Variants in DCT observed in about 807,000 individuals in gnomAD.
DCT encodes dopachrome tautomerase, also known as L-dopachrome tautomerase.
Under a neutral mutation model 53.0 loss-of-function variants are expected in DCT, and 47 were observed. That is an observed-to-expected ratio of 0.89 (90% CI 0.70 to 1.13). The LOEUF (loss-of-function observed/expected upper bound fraction) is 1.13. Among genes scored for constraint, DCT ranks in the 50% most tolerant of loss-of-function variants. The pLI is 0.00. For synonymous variants in DCT, 244 were observed against 237.0 expected, an observed-to-expected ratio of 1.03 and a Z score of -0.27; for missense variants, 669 against 637.4, an observed-to-expected ratio of 1.05 and a Z score of -0.53.
At chr13:94,546,365 T>C in the DCT span, among the ~76,000 whole-genome samples, 1 of 152,148 alleles carries the variant, frequency 6.6e-6, no homozygotes, top group Non-Finnish European at 1.5e-5. This position sits in a 1 kb window ranked among gnomAD's most constrained non-coding sequence, Gnocchi z 4.2. Flanking sequence ...TAATCCCTCA[T>C]TGTCCCTTAA....
the DCT span, among the ~76,000 whole-genome samples, chr13:94,532,428 T>A: frequency 6.6e-6 from 1 of 152,126 alleles, no homozygotes; most frequent in Non-Finnish European, 1.5e-5. Flanking sequence ...AAATGTGGCA[T>A]GTATACACCA....
At chr13:94,486,269 C>T in the DCT span, among the ~76,000 whole-genome samples, 1 of 152,328 alleles carries the variant, frequency 6.6e-6, no homozygotes, top group Non-Finnish European at 1.5e-5. Context: ...CTATGCTAAG[C>T]TTGCTTTCCT....
chr13:94,536,043 C>G, the DCT span, among the ~76,000 whole-genome samples: 1 of 152,240 alleles, frequency 6.6e-6, no homozygotes, highest in African/African-American at 2.4e-5. Flanking sequence ...GCTAGTGCTT[C>G]CAAATGATCT....
chr13:94,440,424 A>C (rs1023586965), intron 7 of DCT, among the ~76,000 whole-genome samples: 5 of 152,100 alleles, frequency 3.3e-5, no homozygotes, highest in African/African-American at 9.7e-5. Context: ...GCATCTGGGG[A>C]GCTGCAAAAT....
chr13:94,541,354 A>T, the DCT span, among the ~76,000 whole-genome samples: 8 of 152,086 alleles, frequency 5.3e-5, no homozygotes, highest in African/African-American at 1.9e-4. Context: ...AAGTACAAAA[A>T]TTAGCTGGAC....
At chr13:94,478,744 G>A (rs1040513141) in intron 1 of DCT, among the ~76,000 whole-genome samples, 9 of 152,200 alleles carry the variant, frequency 5.9e-5, no homozygotes, top group African/African-American at 1.4e-4. Context: ...CTTGGCCCAC[G>A]CCATATTTAT....
rs777467501 is a variant in DCT at position 94,468,819 on chromosome 13, C to T, written c.522G>A (p.Pro174=). The T allele has an allele frequency of 2.8e-5, 45 of 1,614,162 alleles. No homozygotes were observed. The highest frequency in any genetic ancestry group is 4.5e-5 in the East Asian group (2 of 44,878). The change falls in exon 2 of 8, where the codon CCG becomes CCA. Residue 174 remains proline, a synonymous_variant. Transcript: ENST00000377028. The part of the protein sequence containing the change: ...LGLLGPNGTQ[P]QFANCSVYDF... The stretch of plus-strand genomic sequence containing the variant: ...CATAAACACTGCAGTTGGCAAACTG[C>T]GGCTGGGTTCCATTGGGCCCAAGCA...
At chr13:94,503,056 TCA>T in the DCT span, among the ~76,000 whole-genome samples, 3 of 152,208 alleles carry the variant, frequency 2.0e-5, no homozygotes, top group African/African-American at 7.2e-5. Context: ...CCTGTGAATG[TCA>T]CTTTATTTGG....
chr13:94,537,820 C>T, the DCT span, among the ~76,000 whole-genome samples: 18 of 152,158 alleles, frequency 1.2e-4, no homozygotes, highest in African/African-American at 4.1e-4. Context: ...GGAATAAGAA[C>T]GTCAGTGTAG....
the DCT span, among the ~76,000 whole-genome samples, chr13:94,514,289 A>G: frequency 6.8e-6 from 1 of 146,794 alleles, no homozygotes; most frequent in Non-Finnish European, 1.5e-5. Context: ...CTCACAGAGA[A>G]AGGGGAGGTG....
At chr13:94,465,566 C>A (rs1884116004) in intron 4 of DCT, 67 bp downstream of exon 4, 3 of 1,458,260 alleles carry the variant, frequency 2.1e-6, no homozygotes, top group African/African-American at 1.4e-5. Flanking sequence ...AAAGTGACTT[C>A]TCCTCCATGT....
At chr13:94,473,528 G>A (rs908779863) in intron 1 of DCT, among the ~76,000 whole-genome samples, 1 of 152,214 alleles carries the variant, frequency 6.6e-6, no homozygotes, top group Non-Finnish European at 1.5e-5. Context: ...TAGTCTAGTG[G>A]AAATGAAGGA....
rs543878869 is a variant in DCT at position 94,446,159 on chromosome 13, A to C, written c.1180-2522T>G. On this transcript the variant is annotated intron_variant, in intron 6 of 7. Transcript: ENST00000377028. ...TGTGGAGCTGATGATCCAGGATCAC[A>C]GAGGTCTGTAAACCTCAACAGTGGA... is the stretch of plus-strand genomic sequence containing the variant. Among the ~76,000 whole-genome samples the C allele has an allele frequency of 2.6e-5, 4 of 152,346 alleles. No individual in the cohort carries two copies. The South Asian group carries it at 8.3e-4, about 32-fold the overall frequency.
At chr13:94,503,149 G>T in the DCT span, among the ~76,000 whole-genome samples, 1 of 152,120 alleles carries the variant, frequency 6.6e-6, no homozygotes, top group East Asian at 1.9e-4. Context: ...GGCCAAGGGG[G>T]CATGGATTGC....
rs191391861 is a variant in DCT, at chr13:94,460,781, A to T, written c.1044-555T>A. Among the ~76,000 whole-genome samples the T allele has an allele frequency of 4.6e-4, 70 of 152,234 alleles. No homozygotes were observed. The East Asian group carries it at 0.013, about 29-fold the overall frequency. On this transcript the variant is annotated intron_variant, in intron 5 of 7. Transcript: ENST00000377028. ...GCTCTAAAAAAAAGAAAAAAGAAAA[A>T]AATTTTCTACCACCATAGAAAGACT...
chr13:94,442,504 C>T (rs1882398771), intron 7 of DCT, among the ~76,000 whole-genome samples: 1 of 152,104 alleles, frequency 6.6e-6, no homozygotes, highest in Admixed American at 6.5e-5. Context: ...AGATAGGTCT[C>T]AGTATGTTGC....
the DCT span, among the ~76,000 whole-genome samples, chr13:94,513,575 C>T: frequency 6.6e-6 from 1 of 152,132 alleles, no homozygotes. Flanking sequence ...GGGGAATGTT[C>T]TGTGACAGGG....
At chr13:94,478,413 G>T (rs1885243257) in intron 1 of DCT, among the ~76,000 whole-genome samples, 2 of 151,996 alleles carry the variant, frequency 1.3e-5, no homozygotes. Context: ...GGAGATGGAG[G>T]TTGCAGTGAG....
chr13:94,532,723 C>T, the DCT span, among the ~76,000 whole-genome samples: 2 of 152,162 alleles, frequency 1.3e-5, no homozygotes, highest in African/African-American at 4.8e-5. Context: ...CAACATGGCA[C>T]ATGTGTACCT....
Sources: gnomAD v4.1 joint callset for allele counts (sites outside exome capture counted in the v4.1 genomes callset) on GRCh38, gnomAD v4.1.1 for gene constraint, Gnocchi (gnomAD v3.1) non-coding constraint, MANE v1.5 for transcripts, NCBI Gene and HGNC (gene_info 2026-07-23, HGNC 2026-07-21) for gene names.